OSBPL5: variants seen among roughly 807,000 people sequenced by gnomAD.
The protein encoded by OSBPL5 is oxysterol binding protein like 5, also known as oxysterol-binding protein-related protein 5.
In OSBPL5, 71 loss-of-function variants were observed where a neutral mutation model predicts 111.2. The observed-to-expected ratio is 0.64, with a 90% CI of 0.53 to 0.78. The LOEUF (loss-of-function observed/expected upper bound fraction) is 0.78. OSBPL5 is among the 30% of genes least tolerant of loss of function. The probability of loss-of-function intolerance (pLI) is 0.00; values close to 1 mark genes in which losing one functional copy is unlikely to be tolerated. For synonymous variants in OSBPL5, 549 were observed against 513.9 expected (o/e 1.07, Z -0.93); for missense variants, 1,210 against 1,189.3 (o/e 1.02, Z -0.26).
chr11:3,147,064 C>A (rs750605913), intron 1 of OSBPL5, among the ~76,000 whole-genome samples: 2 of 152,106 alleles, frequency 1.3e-5, no homozygotes. Context: ...TTCCCAGTCA[C>A]CCTCACGTCC....
chr11:3,111,979 G>T (rs1176064379), intron 7 of OSBPL5, among the ~76,000 whole-genome samples: 2 of 133,724 alleles, frequency 1.5e-5, no homozygotes, highest in Non-Finnish European at 3.4e-5. Flanking sequence ...GCATATGTGT[G>T]CGCGCATGTG....
At position 3,089,927 on chromosome 11, in the gene OSBPL5, C is replaced by A. The variant is rs149906470; in HGVS notation, c.2420G>T (p.Arg807Leu). ...CAGCCGCCGCGCCTCCTTCCTGCAC[C>A]GAGGGCATGGGCTCTCACCGCCTGG... Reference protein sequence around the residue: ...FVPGGESPCPRCRKEARRLQA... With the variant: ...FVPGGESPCPLCRKEARRLQA... Residue 807 changes from arginine (R) to leucine (L), a missense_variant, in exon 21 of 22, where the codon CGG becomes CTG. By Grantham distance (102) the Arg-to-Leu change is moderately radical. Transcript: ENST00000263650. 4.9e-5 allele frequency: 76 copies of A among 1,560,456 alleles called. No individual in the cohort carries two copies. The highest frequency in any genetic ancestry group is 6.4e-5 in the Non-Finnish European group (74 of 1,152,578).
Position 3,094,328 on chromosome 11 carries a change from A to G in OSBPL5, c.1628T>C (p.Leu543Pro). ...TMPYAHCKGI[L>P]YGTMTLELGG... ...CAGCTCCAGGGTCATCGTGCCATAC[A>G]GGATTCCTGAAATGCAGCCAGTGTC... The change falls in exon 15 of 22, where the codon CTG becomes CCG. Residue 543 changes from leucine (L) to proline (P), a missense_variant. Physicochemically the swap from Leu to Pro is moderately conservative, Grantham distance 98 (BLOSUM62 -3). Coordinates refer to ENST00000263650, the MANE Select transcript of OSBPL5 (RefSeq NM_020896.4). 1 of 1,613,292 alleles carries G rather than the reference A, an allele frequency of 6.2e-7. No homozygotes were observed. The highest frequency in any genetic ancestry group is 8.5e-7 in the Non-Finnish European group (1 of 1,179,898).
chr11:3,129,722 C>T (rs1858761022), intron 1 of OSBPL5, among the ~76,000 whole-genome samples: 2 of 152,220 alleles, frequency 1.3e-5, no homozygotes, highest in African/African-American at 4.8e-5. Context: ...GTTAAGCCCG[C>T]CTGAAGCTTG....
rs1164937775 is a variant in OSBPL5 at position 3,141,428 on chromosome 11, G to A, written c.-21-12259C>T. On this transcript the variant is annotated intron_variant, in intron 1 of 21. Coordinates refer to ENST00000263650, the MANE Select transcript of OSBPL5 (RefSeq NM_020896.4). This position sits in a 1 kb window ranked among gnomAD's most constrained non-coding sequence, Gnocchi z 6.5. ...CCCGAGGCCTCCTTGGTTCCCCTCA[G>A]AACAGAGCTTCCAGAAGGGCCCCCA... Among the ~76,000 whole-genome samples the A allele has an allele frequency of 6.6e-6, 1 of 152,116 alleles. No individual in the cohort carries two copies. Among genetic ancestry groups the A allele is most frequent in the African/African-American group, 2.4e-5 (1 of 41,426 alleles).
At chr11:3,148,586 G>A (rs1846451145) in intron 1 of OSBPL5, among the ~76,000 whole-genome samples, 1 of 152,244 alleles carries the variant, frequency 6.6e-6, no homozygotes, top group East Asian at 1.9e-4. Flanking sequence ...GCAGGGCGGG[G>A]GCACCGTCCT....
Position 3,104,930 on chromosome 11 carries a change from G to A in OSBPL5, c.1060-553C>T, listed in dbSNP as rs763372433. 1.0e-3 allele frequency among the ~76,000 whole-genome samples: 154 copies of A among 152,318 alleles called. No individual in the cohort carries two copies. Among genetic ancestry groups the A allele is most frequent in the Non-Finnish European group, 1.6e-3 (112 of 68,014 alleles). Reference sequence around the variant, plus strand: ...TGAGTTTGGAGGTGAGCCTGCTCCTGCAAAACCGACACGGGCATGTGAACT... The same window carrying A: ...TGAGTTTGGAGGTGAGCCTGCTCCTACAAAACCGACACGGGCATGTGAACT... On this transcript the variant is annotated intron_variant, in intron 9 of 21. Transcript: ENST00000263650. The surrounding 1 kb of genome is among the most constrained non-coding windows in gnomAD (Gnocchi z 5.0).
At chr11:3,098,161 A>C (rs922105332) in intron 14 of OSBPL5, among the ~76,000 whole-genome samples, 11 of 152,082 alleles carry the variant, frequency 7.2e-5, no homozygotes, top group African/African-American at 2.7e-4. Context: ...AATATATCAA[A>C]ATGGAAAACT....
At chr11:3,103,352 C>G in intron 10 of OSBPL5, 32 bp from the exon 11 acceptor site, 1 of 1,568,618 alleles carries the variant, frequency 6.4e-7, no homozygotes, top group Non-Finnish European at 8.7e-7. Flanking sequence ...CTGACCCCAG[C>G]TCCGGGGGCC....
rs1354892686 is a variant in OSBPL5 at position 3,121,112 on chromosome 11, C to CAGT, written c.403-491_403-489dup. ...GTCTCTGTTGCCCAGGCTGGAGGTG[C>CAGT]AGTGGTGCTATCTTGGCTCGCTGCA... On this transcript the variant is annotated intron_variant, in intron 5 of 21. Transcript: ENST00000263650. This position sits in a 1 kb window ranked among gnomAD's most constrained non-coding sequence, Gnocchi z 4.3. Among the ~76,000 whole-genome samples, 11 of 143,706 alleles carry CAGT rather than the reference C, an allele frequency of 7.7e-5. No individual in the cohort carries two copies. Among genetic ancestry groups the CAGT allele is most frequent in the Admixed American group, 7.3e-4 (10 of 13,692 alleles). 94.3% of individuals were successfully genotyped at this position (143,706 alleles called of 152,430 possible).
Position 3,107,849 on chromosome 11 carries a change from G to T in OSBPL5, c.788C>A (p.Thr263Asn). The T allele has an allele frequency of 6.2e-7, 1 of 1,611,280 alleles. No homozygotes were observed. The change falls in exon 8 of 22, where the codon ACC becomes AAC. Residue 263 changes from threonine (T) to asparagine (N), a missense_variant. Physicochemically the swap from Thr to Asn is moderately conservative, Grantham distance 65. Coordinates refer to ENST00000263650, the MANE Select transcript of OSBPL5 (RefSeq NM_020896.4). The surrounding 1 kb of genome is among the most constrained non-coding windows in gnomAD (Gnocchi z 6.1). ...CGATGAGGGTGATGCGTCTGGCGAG[G>T]TCCCTGGCTCCCCGTCTCGGCCCGG... ...CKPGRDGEPG[T>N]SPDASPSSLC...
At chr11:3,119,526 C>T (rs373524809) in intron 7 of OSBPL5, 21 bp downstream of exon 7, 15 of 1,561,348 alleles carry the variant, frequency 9.6e-6, no homozygotes, top group African/African-American at 4.2e-5. Flanking sequence ...TGGGGAGATG[C>T]GCAAGCTGGC....
At chr11:3,114,604 T>C (rs1234751382) in intron 7 of OSBPL5, among the ~76,000 whole-genome samples, 15 of 141,904 alleles carry the variant, frequency 1.1e-4, no homozygotes, top group African/African-American at 4.0e-4. Context: ...TTTTTTTTTT[T>C]TTTTTTTTTT....
intron 11 of OSBPL5, among the ~76,000 whole-genome samples, chr11:3,102,653 C>T (rs1431192781): frequency 6.7e-6 from 1 of 148,512 alleles, no homozygotes; most frequent in Admixed American, 6.6e-5. Flanking sequence ...TGCTGTACGA[C>T]TCAGGCCATC....
intron 11 of OSBPL5, 89 bp downstream of exon 11, chr11:3,103,150 C>T (rs1271401652): frequency 1.4e-5 from 17 of 1,194,410 alleles, no homozygotes; most frequent in Middle Eastern, 2.0e-4. Flanking sequence ...GGGGGTGGCC[C>T]GGGGACTCAG....
At chr11:3,100,291 C>T (rs17263699) in intron 13 of OSBPL5, 35 bp from the exon 14 acceptor site, 270,660 of 1,596,342 alleles carry the variant, frequency 0.17, 24,863 homozygotes, top group Admixed American at 0.2. Flanking sequence ...CCAGTGAGTG[C>T]GGACAGCCCT....
chr11:3,122,568 T>TCC, intron 3 of OSBPL5, 140 bp from the exon 4 acceptor site: 1 of 675,052 alleles, frequency 1.5e-6, no homozygotes, highest in Non-Finnish European at 2.4e-6. Flanking sequence ...GCACCCTCCA[T>TCC]CCCCCCCACC....
chr11:3,122,536 C>T lies in OSBPL5; in HGVS notation c.220-108G>A, dbSNP rs193218392. The T allele has an allele frequency of 4.5e-4, 432 of 966,332 alleles. 12 individuals are homozygous for T. The Admixed American group carries it at 0.01, about 23-fold the overall frequency. The allele number at this position is 966,332 out of a possible 1,614,324, so 59.9% of individuals were successfully genotyped here. On this transcript the variant is annotated intron_variant, in intron 3 of 21. Coordinates refer to ENST00000263650, the MANE Select transcript of OSBPL5 (RefSeq NM_020896.4). ...TATGAGGGCAGAAGTCAGAGAAGGG[C>T]GCTCCACTCGTTTCCCGCCTGGCAC...
chr11:3,145,797 G>A (rs184113976), intron 1 of OSBPL5, among the ~76,000 whole-genome samples: 29 of 152,302 alleles, frequency 1.9e-4, no homozygotes, highest in Non-Finnish European at 3.5e-4. Context: ...CCAGAACCCC[G>A]GCCTGTCGCC....
Sources: gnomAD v4.1 joint callset for allele counts (sites outside exome capture counted in the v4.1 genomes callset) on GRCh38, gnomAD v4.1.1 for gene constraint, Gnocchi (gnomAD v3.1) non-coding constraint, MANE v1.5 for transcripts, NCBI Gene and HGNC (gene_info 2026-07-23, HGNC 2026-07-21) for gene names.